Variants in FSCN2 observed in about 807,000 individuals in gnomAD.
The protein encoded by FSCN2 is fascin actin-bundling protein 2, retinal, also known as fascin-2.
In FSCN2, 46 loss-of-function variants were observed where a neutral mutation model predicts 37.8. That is an observed-to-expected ratio of 1.22 (90% CI 0.96 to 1.56). The LOEUF (loss-of-function observed/expected upper bound fraction) is 1.56, where lower values mean the gene tolerates loss of function less well. FSCN2 is among the 40% of genes most tolerant of loss of function. The probability of loss-of-function intolerance (pLI) is 0.00; values close to 1 mark genes in which losing one functional copy is unlikely to be tolerated. For missense variants in FSCN2, 844 were observed against 730.4 expected (o/e 1.16, Z -1.79); for synonymous variants, 351 against 309.4 (o/e 1.13, Z -1.41).
intron 1 of FSCN2, among the ~76,000 whole-genome samples, chr17:81,531,227 A>G (rs56249614): frequency 0.1 from 4,707 of 45,762 alleles, 517 homozygotes; most frequent in African/African-American, 0.22. Context: ...TGATGGTGAT[A>G]ATGGTGATGG....
At chr17:81,524,095 A>G, upstream of FSCN2, among the ~76,000 whole-genome samples, 1 of 152,210 alleles carries the variant, frequency 6.6e-6, no homozygotes, top group Non-Finnish European at 1.5e-5. Flanking sequence ...CAGCCCGTCC[A>G]CCAGCACCTC....
the FSCN2 span, among the ~76,000 whole-genome samples, chr17:81,515,349 G>A: frequency 6.6e-6 from 1 of 152,198 alleles, no homozygotes; most frequent in Non-Finnish European, 1.5e-5. Context: ...GGATGGAGCT[G>A]GGGGTAGCTG....
At chr17:81,532,164 GTGA>G (rs1294047322) in intron 1 of FSCN2, among the ~76,000 whole-genome samples, 1 of 101,954 alleles carries the variant, frequency 9.8e-6, no homozygotes, top group Non-Finnish European at 1.8e-5. Flanking sequence ...GATGATGATG[GTGA>G]TGGTGGTGGT....
Position 81,536,208 on chromosome 17 carries a change from A to G in FSCN2, c.1046A>G (p.Asn349Ser). 1.9e-6 allele frequency: 3 copies of G among 1,600,772 alleles called. No homozygotes were observed. The highest frequency in any genetic ancestry group is 1.1e-5 in the South Asian group (1 of 89,078). The change falls in exon 3 of 5, where the codon AAC becomes AGC. Residue 349 changes from asparagine to serine, a missense_variant. Physicochemically the swap from Asn to Ser is conservative, Grantham distance 46. Transcript: ENST00000417245. ...CGGCGGGTAGCACTCAAAGCCAGCA[A>G]CGGGCGCTACGTGTGCATGAAGAAG... ...RGRRVALKAS[N>S]GRYVCMKKNG...
chr17:81,531,489 A>ATGGTGG (rs1555671309), intron 1 of FSCN2, among the ~76,000 whole-genome samples: 1 of 83,754 alleles, frequency 1.2e-5, no homozygotes, highest in African/African-American at 4.9e-5. Context: ...GATGGTGATG[A>ATGGTGG]TGGTGATGGT....
At chr17:81,529,879 G>C (rs868937653) in intron 1 of FSCN2, among the ~76,000 whole-genome samples, 2 of 152,220 alleles carry the variant, frequency 1.3e-5, no homozygotes, top group African/African-American at 2.4e-5. Flanking sequence ...GCGTGATCTC[G>C]GCTCACTGCA....
the FSCN2 span, among the ~76,000 whole-genome samples, chr17:81,518,828 A>T: frequency 3.9e-5 from 6 of 152,210 alleles, no homozygotes; most frequent in African/African-American, 1.4e-4. Flanking sequence ...CCACGCGGAA[A>T]AGGGGAAGCG....
At chr17:81,530,503 C>A (rs1012443922) in intron 1 of FSCN2, 5 of 452,062 alleles carry the variant, frequency 1.1e-5, no homozygotes, top group Admixed American at 2.6e-5. Flanking sequence ...CTCCATGCAC[C>A]CCAGAGTGGC....
intron 1 of FSCN2, among the ~76,000 whole-genome samples, chr17:81,534,337 C>T (rs552477568): frequency 1.6e-4 from 25 of 152,270 alleles, no homozygotes; most frequent in Middle Eastern, 6.8e-3. Flanking sequence ...GTCCCTGGGC[C>T]TTGTGGGAAG....
chr17:81,517,770 CCT>C, the FSCN2 span, among the ~76,000 whole-genome samples: 25 of 151,070 alleles, frequency 1.7e-4, no homozygotes, highest in African/African-American at 2.2e-4. Flanking sequence ...GCCCCCCCCC[CCT>C]CCAGTCCCAC....
In FSCN2 at chr17:81,528,629, T is replaced by C; in HGVS notation, c.98T>C (p.Val33Ala). The C allele has an allele frequency of 6.2e-7, 1 of 1,605,734 alleles. No individual in the cohort carries two copies. The change falls in exon 1 of 5, where the codon GTC becomes GCC. Residue 33 changes from valine to alanine, a missense_variant. Transcript: ENST00000417245. ...ACAGCTGAGAGCTTCGGCTTCAAGG[T>C]CAATGCCTCGGCACCCAGCCTCAAG... is the stretch of plus-strand genomic sequence containing the variant. ...YLTAESFGFK[V>A]NASAPSLKRK...
the FSCN2 span, among the ~76,000 whole-genome samples, chr17:81,521,563 G>T: frequency 6.6e-6 from 1 of 152,038 alleles, no homozygotes; most frequent in African/African-American, 2.4e-5. Flanking sequence ...GTAGAAATAG[G>T]GTTTTGCCAT....
At chr17:81,531,327 G>GTGGGTGA (rs2032565553) in intron 1 of FSCN2, among the ~76,000 whole-genome samples, 1,667 of 103,832 alleles carry the variant, frequency 0.016, 93 homozygotes, top group African/African-American at 0.075. Flanking sequence ...GATGATGGTG[G>GTGGGTGA]TGGTGGTGAT....
chr17:81,525,461 G>A (rs1160175701), upstream of FSCN2, among the ~76,000 whole-genome samples: 4 of 147,462 alleles, frequency 2.7e-5, no homozygotes, highest in East Asian at 3.9e-4. Flanking sequence ...GGTGGTTCAC[G>A]GCTGTAATCC....
chr17:81,521,579 C>T, the FSCN2 span, among the ~76,000 whole-genome samples: 1 of 152,012 alleles, frequency 6.6e-6, no homozygotes, highest in Non-Finnish European at 1.5e-5. Context: ...GCCATGTTAC[C>T]CAAGCTGGTC....
intron 1 of FSCN2, among the ~76,000 whole-genome samples, chr17:81,531,462 A>ATAG (rs2032589583): frequency 2.9e-5 from 1 of 34,980 alleles, no homozygotes; most frequent in African/African-American, 1.1e-4. Context: ...GGTGATGGTG[A>ATAG]TGATGGTGGT....
At chr17:81,527,999 C>A (rs573210324), upstream of FSCN2, among the ~76,000 whole-genome samples, 1 of 152,176 alleles carries the variant, frequency 6.6e-6, no homozygotes, top group South Asian at 2.1e-4. Flanking sequence ...AGGGTACGGG[C>A]GGCGATCAGG....
At chr17:81,532,582 T>C (rs1202060557) in intron 1 of FSCN2, among the ~76,000 whole-genome samples, 9 of 147,372 alleles carry the variant, frequency 6.1e-5, no homozygotes, top group Admixed American at 4.7e-4. Flanking sequence ...GTGGTGATGA[T>C]AGTGATGGTG....
At chr17:81,515,475 C>CT in the FSCN2 span, among the ~76,000 whole-genome samples, 1 of 152,236 alleles carries the variant, frequency 6.6e-6, no homozygotes, top group Non-Finnish European at 1.5e-5. Context: ...TTTTTCTTTT[C>CT]TAGTTCAGTG....
Sources: gnomAD v4.1 joint callset for allele counts (sites outside exome capture counted in the v4.1 genomes callset) on GRCh38, gnomAD v4.1.1 for gene constraint, MANE v1.5 for transcripts, NCBI Gene and HGNC (gene_info 2026-07-23, HGNC 2026-07-21) for gene names.